The following F2RL2 variants were observed in gnomAD, a reference collection of about 807,000 sequenced individuals.
F2RL2 encodes proteinase-activated receptor 3.
F2RL2 carries 4 observed loss-of-function variants against 4.3 expected under a neutral mutation model. The ratio of observed to expected loss-of-function variants is 0.93; its 90% CI spans 0.46 to 2.12. F2RL2 has a LOEUF of 2.12. Among genes scored for constraint, F2RL2 ranks in the 30% most tolerant of loss-of-function variants. F2RL2 has a pLI of 0.02. For missense variants in F2RL2, 408 were observed against 449.3 expected (o/e 0.91, Z 0.83); for synonymous variants, 166 against 170.9 (o/e 0.97, Z 0.22).
At position 76,617,602 on chromosome 5, in the gene F2RL2, TG is replaced by T; in HGVS notation, c.1104del (p.Thr369LeufsTer28). 6.2e-7 allele frequency: 1 copy of T among 1,612,678 alleles called. No homozygotes were observed. Among genetic ancestry groups the T allele is most frequent in the African/African-American group, 1.3e-5 (1 of 74,924 alleles). On this transcript the variant is annotated frameshift_variant, in exon 2 of 2. Transcript: ENST00000296641. LOFTEE classifies it high-confidence loss of function. ...YFLMSKTRNH[S>X]TAYLTK ...TTTCACTATTTTGTAAGGTAAGCAG[TG>T]GAGTGATTTCTGGTTTTTGACATGA... is the stretch of plus-strand genomic sequence containing the variant.
chr5:76,621,273 T>C (rs1015256632), intron 1 of F2RL2, among the ~76,000 whole-genome samples: 1 of 152,088 alleles, frequency 6.6e-6, no homozygotes, highest in Non-Finnish European at 1.5e-5. Context: ...CGGTGTAAAA[T>C]AGAGGAGGTG....
In F2RL2 at chr5:76,615,889, T is replaced by A. The variant is rs1748916099; in HGVS notation, c.*1693A>T. The A allele has an allele frequency of 6.5e-6, 1 of 152,786 alleles. No individual in the cohort carries two copies. The highest frequency in any genetic ancestry group is 6.5e-5 in the Admixed American group (1 of 15,310). The allele number at this position is 152,786 out of a possible 1,614,324, so 9.5% of individuals were successfully genotyped here. A position where few individuals can be genotyped will look rare whatever the true frequency, so the allele number is the denominator to read the frequency against. ...AGTTTAGCTTCCTTACTTTTTTGTA[T>A]GCCCAACCTGAAATGATGTCATCCC... On this transcript the variant is annotated 3_prime_UTR_variant, in exon 2 of 2. Transcript: ENST00000296641.
At chr5:76,619,179 T>G (rs932562562) in intron 1 of F2RL2, among the ~76,000 whole-genome samples, 1 of 152,216 alleles carries the variant, frequency 6.6e-6, no homozygotes, top group African/African-American at 2.4e-5. Flanking sequence ...TGTAAAGTTT[T>G]AAATAAAATC....
In F2RL2 at chr5:76,616,859, A is replaced by C. The variant is rs947709592; in HGVS notation, c.*723T>G. ...CGAAGCGAGACACTGTCTCTATTAAAAAAAGGAAAAAAGAAGGCAAAGGTG... is the reference window on the plus strand; with the variant it reads ...CGAAGCGAGACACTGTCTCTATTAACAAAAGGAAAAAAGAAGGCAAAGGTG... On this transcript the variant is annotated 3_prime_UTR_variant, in exon 2 of 2. Coordinates refer to ENST00000296641, the MANE Select transcript of F2RL2 (RefSeq NM_004101.4). 3.9e-5 allele frequency: 6 copies of C among 152,234 alleles called. No individual in the cohort carries two copies. The highest frequency in any genetic ancestry group is 1.4e-4 in the African/African-American group (6 of 41,410). The allele number at this position is 152,234 out of a possible 1,614,324, so 9.4% of individuals were successfully genotyped here.
chr5:76,618,063 C>T lies in F2RL2; in HGVS notation c.644G>A (p.Gly215Glu). ...PKHTYALVTC[G>E]LVWATVFLYM... is the part of the protein sequence containing the mutation. ...TAAGAAAACTGTTGCCCACACCAGT[C>T]CACATGTTACCAAGGCATAGGTGTG... Residue 215 changes from glycine (G) to glutamate (E), a missense_variant, in exon 2 of 2, where the codon GGA becomes GAA. Gly to Glu is a moderately conservative substitution (Grantham distance 98, BLOSUM62 -2). Transcript: ENST00000296641. 1.2e-6 allele frequency: 2 copies of T among 1,614,064 alleles called. No homozygotes were observed. Among genetic ancestry groups the T allele is most frequent in the Non-Finnish European group, 1.7e-6 (2 of 1,180,014 alleles).
rs1395005963 is a variant in F2RL2, at chr5:76,616,450, T to A, written c.*1132A>T. On this transcript the variant is annotated 3_prime_UTR_variant, in exon 2 of 2. Coordinates refer to ENST00000296641, the MANE Select transcript of F2RL2 (RefSeq NM_004101.4). ...ATGATTTATTATAGAAACAGTGGAG[T>A]TAGTGGAAATGTTTTAGTGATGTAT... 2.0e-5 allele frequency: 3 copies of A among 152,332 alleles called. No individual in the cohort carries two copies. The highest frequency in any genetic ancestry group is 7.3e-5 in the African/African-American group (3 of 41,326). The allele number at this position is 152,332 out of a possible 1,614,324, so 9.4% of individuals were successfully genotyped here.
Position 76,617,363 on chromosome 5 carries a change from G to A in F2RL2, c.*219C>T, listed in dbSNP as rs567479800. 4 of 447,846 alleles carry A rather than the reference G, an allele frequency of 8.9e-6. No individual in the cohort carries two copies. The highest frequency in any genetic ancestry group is 7.5e-5 in the Admixed American group (2 of 26,706). The allele number at this position is 447,846 out of a possible 1,614,324, so 27.7% of individuals were successfully genotyped here. ...GAGGCTGACCTGGGAGGCAGAGGTT[G>A]CAATGAGCCAAGATAGTGCCACTGC... On this transcript the variant is annotated 3_prime_UTR_variant, in exon 2 of 2. Coordinates refer to ENST00000296641, the MANE Select transcript of F2RL2 (RefSeq NM_004101.4).
At chr5:76,621,595 C>A (rs997148505) in intron 1 of F2RL2, among the ~76,000 whole-genome samples, 10 of 152,124 alleles carry the variant, frequency 6.6e-5, no homozygotes, top group Admixed American at 6.5e-4. Flanking sequence ...AGTGTTTGTC[C>A]GTTTTCAGAA....
chr5:76,622,455 C>T (rs989028637), intron 1 of F2RL2, among the ~76,000 whole-genome samples: 1 of 152,162 alleles, frequency 6.6e-6, no homozygotes, highest in African/African-American at 2.4e-5. Flanking sequence ...CAGTCTTTGC[C>T]TCTCCCACTC....
At chr5:76,622,701 C>A (rs371157905) in intron 1 of F2RL2, among the ~76,000 whole-genome samples, 1 of 152,238 alleles carries the variant, frequency 6.6e-6, no homozygotes, top group Middle Eastern at 3.4e-3. Flanking sequence ...TCATTCATTT[C>A]GGAAATACTG....
intron 1 of F2RL2, among the ~76,000 whole-genome samples, chr5:76,619,420 C>T (rs745333102): frequency 2.0e-5 from 3 of 151,964 alleles, no homozygotes; most frequent in Non-Finnish European, 2.9e-5. Flanking sequence ...AGTAGCCCCC[C>T]GCAAAGATTC....
In F2RL2 at chr5:76,620,245, G is replaced by A. The variant is rs527590039; in HGVS notation, c.65-1603C>T. 1.2e-4 allele frequency among the ~76,000 whole-genome samples: 18 copies of A among 152,290 alleles called. No homozygotes were observed. The South Asian group carries it at 3.7e-3, about 32-fold the overall frequency. ...GGAAAGGTAAGAAATTACAGGCAAG[G>A]GGACCTGATTTGGAGGCTACTGTCA... On this transcript the variant is annotated intron_variant, in intron 1 of 1. Coordinates refer to ENST00000296641, the MANE Select transcript of F2RL2 (RefSeq NM_004101.4).
intron 1 of F2RL2, among the ~76,000 whole-genome samples, chr5:76,622,558 C>T (rs1290968798): frequency 6.6e-6 from 1 of 152,178 alleles, no homozygotes; most frequent in Non-Finnish European, 1.5e-5. Flanking sequence ...CAGGAGGTTT[C>T]AGGCTAACAT....
chr5:76,621,667 T>C (rs1278319733), intron 1 of F2RL2, among the ~76,000 whole-genome samples: 1 of 152,230 alleles, frequency 6.6e-6, no homozygotes, highest in African/African-American at 2.4e-5. Context: ...CTGTGTTTTG[T>C]GGAAAAGTTG....
chr5:76,618,158 G>A lies in F2RL2; in HGVS notation c.549C>T (p.Leu183=), dbSNP rs144765328. Reference sequence around the variant, plus strand: ...AGCGGTTGATGCTGATGCAGGCAAGGAGCAGAATGGAGCAGTACATGTTGC... The same window carrying A: ...AGCGGTTGATGCTGATGCAGGCAAGAAGCAGAATGGAGCAGTACATGTTGC... The part of the protein sequence containing the change: ...FYGNMYCSIL[L]LACISINRYL... The change falls in exon 2 of 2, where the codon CTC becomes CTT. Residue 183 remains leucine, a synonymous_variant. Coordinates refer to ENST00000296641, the MANE Select transcript of F2RL2 (RefSeq NM_004101.4). The A allele has an allele frequency of 1.5e-5, 24 of 1,614,062 alleles. No individual in the cohort carries two copies. In the African/African-American group the frequency reaches 3.1e-4, roughly 21 times the overall value.
At chr5:76,622,473 T>C (rs927086496) in intron 1 of F2RL2, among the ~76,000 whole-genome samples, 2 of 152,180 alleles carry the variant, frequency 1.3e-5, no homozygotes, top group African/African-American at 4.8e-5. Flanking sequence ...CTCCTAACAA[T>C]GTTGACTGGA....
chr5:76,620,914 A>T (rs1377539072), intron 1 of F2RL2, among the ~76,000 whole-genome samples: 1 of 152,240 alleles, frequency 6.6e-6, no homozygotes, highest in African/African-American at 2.4e-5. Flanking sequence ...CTGCAATTTC[A>T]AAAACAAAAT....
chr5:76,619,514 CTTTTT>C (rs773323091), intron 1 of F2RL2, among the ~76,000 whole-genome samples: 3 of 104,266 alleles, frequency 2.9e-5, no homozygotes, highest in Non-Finnish European at 3.8e-5. Context: ...TAAGGATCTT[CTTTTT>C]TTTTTTTTTT....
At position 76,618,578 on chromosome 5, in the gene F2RL2, A is replaced by G; in HGVS notation, c.129T>C (p.Ala43=). ...GGAACTCTTCAAAAGAATTTGGGGG[A>G]GCTCCACGAAAGGTCTTAATGGGTA... is the stretch of plus-strand genomic sequence containing the variant. ...PTLPIKTFRG[A]PPNSFEEFPF... The change falls in exon 2 of 2, where the codon GCT becomes GCC. Residue 43 remains alanine, a synonymous_variant. Coordinates refer to ENST00000296641, the MANE Select transcript of F2RL2 (RefSeq NM_004101.4). 1 of 1,613,988 alleles carries G rather than the reference A, an allele frequency of 6.2e-7. No homozygotes were observed. The highest frequency in any genetic ancestry group is 8.5e-7 in the Non-Finnish European group (1 of 1,180,008).
Sources: gnomAD v4.1 joint callset for allele counts (sites outside exome capture counted in the v4.1 genomes callset) on GRCh38, gnomAD v4.1.1 for gene constraint, MANE v1.5 for transcripts, NCBI Gene and HGNC (gene_info 2026-07-23, HGNC 2026-07-21) for gene names.